Variants in MALRD1 observed in about 807,000 individuals in gnomAD.
The protein encoded by MALRD1 is MAM and LDL-receptor class A domain-containing protein 1.
A neutral mutation model predicts 242.1 loss-of-function variants in MALRD1; 247 were observed. That is an observed-to-expected ratio of 1.02 (90% CI 0.92 to 1.13). MALRD1 has a LOEUF of 1.13. MALRD1 is among the 50% of genes most tolerant of loss of function. The pLI is 0.00. For synonymous variants in MALRD1, 995 were observed against 866.6 expected, an observed-to-expected ratio of 1.15 and a Z score of -2.60; for missense variants, 2,989 against 2,533.1, an observed-to-expected ratio of 1.18 and a Z score of -3.86.
chr10:19,384,452 T>A (rs1845981943), intron 26 of MALRD1, among the ~76,000 whole-genome samples: 2 of 116,870 alleles, frequency 1.7e-5, no homozygotes, highest in South Asian at 4.5e-4. Flanking sequence ...ATATAGTATA[T>A]ATAATATAAT....
At chr10:19,213,341 A>C (rs1837157910) in intron 18 of MALRD1, among the ~76,000 whole-genome samples, 1 of 152,064 alleles carries the variant, frequency 6.6e-6, no homozygotes. Flanking sequence ...TTAATGACTA[A>C]TGTGCTATCA....
chr10:19,507,432 A>G (rs893791225), intron 31 of MALRD1, among the ~76,000 whole-genome samples: 2 of 152,146 alleles, frequency 1.3e-5, no homozygotes, highest in African/African-American at 4.8e-5. Context: ...ACCTAACAAT[A>G]TGAAATCTAG....
At chr10:19,530,398 A>ATG (rs1564417246) in intron 31 of MALRD1, among the ~76,000 whole-genome samples, 1 of 39,848 alleles carries the variant, frequency 2.5e-5, no homozygotes, top group Non-Finnish European at 5.0e-5. Context: ...ATTTATATAA[A>ATG]TATTATATAT....
chr10:19,123,032 G>T (rs559558317), intron 5 of MALRD1, among the ~76,000 whole-genome samples: 1 of 152,218 alleles, frequency 6.6e-6, no homozygotes, highest in African/African-American at 2.4e-5. Flanking sequence ...CACCATGGCC[G>T]GCCAACAGGC....
chr10:19,659,910 A>G (rs556939430), intron 36 of MALRD1, among the ~76,000 whole-genome samples: 131 of 152,218 alleles, frequency 8.6e-4, no homozygotes, highest in Non-Finnish European at 1.6e-3. Flanking sequence ...GGTAAATAAC[A>G]GGTATTGAAT....
At chr10:19,720,168 A>T (rs1834676923) in intron 38 of MALRD1, among the ~76,000 whole-genome samples, 1 of 152,232 alleles carries the variant, frequency 6.6e-6, no homozygotes, top group South Asian at 2.1e-4. Context: ...AAACATGAAC[A>T]TATGAAAATG....
At chr10:19,545,636 G>T (rs1835176741) in intron 32 of MALRD1, among the ~76,000 whole-genome samples, 2 of 107,350 alleles carry the variant, frequency 1.9e-5, no homozygotes, top group South Asian at 3.5e-4. Flanking sequence ...TTATTCCCTG[G>T]AATCCATAAA....
chr10:19,274,926 A>G (rs1378925626), intron 19 of MALRD1, among the ~76,000 whole-genome samples: 1 of 152,192 alleles, frequency 6.6e-6, no homozygotes, highest in African/African-American at 2.4e-5. Flanking sequence ...GAATAGCCTT[A>G]ATACTATTTA....
In MALRD1 at chr10:19,534,773, T is replaced by G. The variant is rs755652926; in HGVS notation, c.5478+3422T>G. Among the ~76,000 whole-genome samples, 2 of 152,092 alleles carry G rather than the reference T, an allele frequency of 1.3e-5. 1 individual carries two copies. Among genetic ancestry groups the G allele is most frequent in the South Asian group, 4.1e-4 (2 of 4,828 alleles). ...AAGAATATTTTGACAATTAAAAAAT[T>G]TATAATTTTTATATTACTTACTAAA... is the stretch of plus-strand genomic sequence containing the variant. On this transcript the variant is annotated intron_variant, in intron 32 of 39. Coordinates refer to ENST00000454679, the MANE Select transcript of MALRD1 (RefSeq NM_001142308.3).
rs1395831493 is a variant in MALRD1, at chr10:19,101,391, ATATTG to A, written c.598-2583_598-2579del. ...TTATATATAACCAACTTGGGTATGT[ATATTG>A]TATTATTCATATATTATATATTATA... On this transcript the variant is annotated intron_variant, in intron 4 of 39. Transcript: ENST00000454679. 6.3e-5 allele frequency among the ~76,000 whole-genome samples: 9 copies of A among 143,306 alleles called. No individual in the cohort carries two copies. The East Asian group carries it at 1.6e-3, about 25-fold the overall frequency. 94.0% of individuals were successfully genotyped at this position (143,306 alleles called of 152,430 possible). A position where few individuals can be genotyped will look rare whatever the true frequency, so the allele number is the denominator to read the frequency against.
At chr10:19,074,263 G>C (rs1835248945) in intron 2 of MALRD1, among the ~76,000 whole-genome samples, 1 of 152,052 alleles carries the variant, frequency 6.6e-6, no homozygotes, top group South Asian at 2.1e-4. Flanking sequence ...GACATTGATG[G>C]ATGTTATGGC....
intron 21 of MALRD1, among the ~76,000 whole-genome samples, chr10:19,303,137 T>C (rs531179356): frequency 6.6e-6 from 1 of 151,706 alleles, no homozygotes; most frequent in African/African-American, 2.4e-5. Flanking sequence ...TGTATGGTAC[T>C]TAAAAAATAA....
At chr10:19,253,907 G>A (rs1839397841) in intron 18 of MALRD1, among the ~76,000 whole-genome samples, 1 of 151,942 alleles carries the variant, frequency 6.6e-6, no homozygotes, top group Non-Finnish European at 1.5e-5. Flanking sequence ...GGGACCAGGT[G>A]GATATATGGG....
At chr10:19,241,742 G>C (rs1233290646) in intron 18 of MALRD1, among the ~76,000 whole-genome samples, 1 of 151,970 alleles carries the variant, frequency 6.6e-6, no homozygotes, top group Non-Finnish European at 1.5e-5. Flanking sequence ...ATAGGTTTGG[G>C]TATGTTGGAT....
At chr10:19,460,339 C>A (rs10827481) in intron 29 of MALRD1, among the ~76,000 whole-genome samples, 123,822 of 152,100 alleles carry the variant, frequency 0.81, 50,591 homozygotes, top group East Asian at 1. Flanking sequence ...AGTTAACAAC[C>A]AAATCTACAG....
intron 21 of MALRD1, among the ~76,000 whole-genome samples, chr10:19,313,575 T>C (rs1319617822): frequency 6.6e-6 from 1 of 151,548 alleles, no homozygotes; most frequent in Non-Finnish European, 1.5e-5. Context: ...ATTTGATCTT[T>C]ACAAATTATA....
At chr10:19,425,496 GTCTTT>G (rs1833871205) in intron 28 of MALRD1, among the ~76,000 whole-genome samples, 1 of 152,096 alleles carries the variant, frequency 6.6e-6, no homozygotes, top group Non-Finnish European at 1.5e-5. Context: ...GTCTGTGACT[GTCTTT>G]TCTTTTCTTT....
At chr10:19,454,704 G>T (rs1008451713) in intron 29 of MALRD1, among the ~76,000 whole-genome samples, 1 of 121,006 alleles carries the variant, frequency 8.3e-6, no homozygotes, top group Non-Finnish European at 1.7e-5. Context: ...AGGACTGTCC[G>T]TGCACACGTA....
intron 33 of MALRD1, among the ~76,000 whole-genome samples, chr10:19,575,541 A>G (rs1836774914): frequency 6.6e-6 from 1 of 152,062 alleles, no homozygotes; most frequent in Non-Finnish European, 1.5e-5. Context: ...CATTACTAAT[A>G]GAGATTATTG....
Sources: allele counts gnomAD v4.1 joint callset (sites outside exome capture counted in the v4.1 genomes callset), GRCh38; gene constraint gnomAD v4.1.1; transcripts MANE v1.5; gene names NCBI Gene and HGNC (gene_info 2026-07-23, HGNC 2026-07-21).